ATP2C1: variants seen among roughly 807,000 people sequenced by gnomAD.
ATP2C1 encodes ATPase secretory pathway Ca2+ transporting 1, also known as calcium-transporting ATPase type 2C member 1.
In ATP2C1, 31 loss-of-function variants were observed where a neutral mutation model predicts 120.5. The observed-to-expected ratio is 0.26, with a 90% CI of 0.19 to 0.35. ATP2C1 has a LOEUF of 0.35. ATP2C1 is among the 10% of genes least tolerant of loss of function. The pLI is 1.00. For missense variants in ATP2C1, 731 were observed against 1,107.5 expected (o/e 0.66, Z 4.83); for synonymous variants, 351 against 358.7 (o/e 0.98, Z 0.24).
rs144860339 is a variant in ATP2C1 at position 130,903,283 on chromosome 3, CAG to C, written c.6+8511_6+8512del. ...ACCACTTAAACATGGAAAATAATAA[CAG>C]AGTACATTTTGTGACAGCAAATAAA... On this transcript the variant is annotated intron_variant, in intron 2 of 27. Coordinates refer to ENST00000510168, the MANE Select transcript of ATP2C1 (RefSeq NM_001378687.1). 1.1e-4 allele frequency among the ~76,000 whole-genome samples: 17 copies of C among 152,072 alleles called. No individual in the cohort carries two copies. In the East Asian group the frequency reaches 1.9e-3, roughly 17 times the overall value.
At chr3:130,934,501 C>A in intron 4 of ATP2C1, 121 bp from the exon 5 acceptor site, 1 of 666,928 alleles carries the variant, frequency 1.5e-6, no homozygotes, top group Non-Finnish European at 2.6e-6. Flanking sequence ...ATAAAATAAA[C>A]TGAGTATAGA....
intron 20 of ATP2C1, among the ~76,000 whole-genome samples, chr3:130,990,631 TTC>T (rs2062287399): frequency 6.6e-6 from 1 of 152,222 alleles, no homozygotes; most frequent in East Asian, 1.9e-4. Flanking sequence ...GCGATCTCAC[TTC>T]TGTTTTAACA....
In ATP2C1 at chr3:131,002,194, GATAT is replaced by G. The variant is rs979094285; in HGVS notation, c.*848_*851del. 8.2e-6 allele frequency: 8 copies of G among 971,386 alleles called. No individual in the cohort carries two copies. The African/African-American group carries it at 1.4e-4, about 17-fold the overall frequency. The allele number at this position is 971,386 out of a possible 1,614,324, so 60.2% of individuals were successfully genotyped here. A position where few individuals can be genotyped will look rare whatever the true frequency, so the allele number is the denominator to read the frequency against. On this transcript the variant is annotated 3_prime_UTR_variant, in exon 28 of 28. Transcript: ENST00000510168. ...AACATGTCTTCCTTTTTGAGGTAAAGATATATACTTTGTCAAATATCATTTTGTC... is the reference window on the plus strand; with the variant it reads ...AACATGTCTTCCTTTTTGAGGTAAAGATACTTTGTCAAATATCATTTTGTC...
intron 2 of ATP2C1, among the ~76,000 whole-genome samples, chr3:130,903,646 T>C (rs543639115): frequency 3.3e-5 from 5 of 151,186 alleles, no homozygotes; most frequent in Admixed American, 3.3e-4. Context: ...TTCTGCCCCT[T>C]CCTCCCCCCT....
chr3:130,926,798 C>T lies in ATP2C1; in HGVS notation c.7-3618C>T, dbSNP rs77534423. ...TGTGATCTTTATATGTGTTCTTTCG[C>T]TGTTTTCCTATCATGTGAAACACAT... On this transcript the variant is annotated intron_variant, in intron 2 of 27. Coordinates refer to ENST00000510168, the MANE Select transcript of ATP2C1 (RefSeq NM_001378687.1). 8.2e-3 allele frequency among the ~76,000 whole-genome samples: 1,245 copies of T among 152,364 alleles called. 16 individuals are homozygous for T. Among genetic ancestry groups the T allele is most frequent in the African/African-American group, 0.028 (1,180 of 41,586 alleles).
chr3:131,003,586 GTTGTGTCACA>G (rs944947735), downstream of ATP2C1, among the ~76,000 whole-genome samples: 1 of 152,196 alleles, frequency 6.6e-6, no homozygotes, highest in African/African-American at 2.4e-5. Flanking sequence ...GGCTGAACAT[GTTGTGTCACA>G]TTTGTGCTGG....
chr3:130,965,202 C>G (rs1211447280), intron 14 of ATP2C1, among the ~76,000 whole-genome samples, 157 bp downstream of exon 14: 1 of 152,034 alleles, frequency 6.6e-6, no homozygotes, highest in Non-Finnish European at 1.5e-5. Flanking sequence ...GTCTTTGTCT[C>G]ATTCCACTTG....
At chr3:130,964,126 A>G (rs771572303) in intron 13 of ATP2C1, 31 bp downstream of exon 13, 43 of 1,610,118 alleles carry the variant, frequency 2.7e-5, no homozygotes, top group Admixed American at 1.7e-4. Context: ...TTCTTATGCA[A>G]TGATGCGTAA....
In ATP2C1 at chr3:130,933,784, G is replaced by A. The variant is rs1042125571; in HGVS notation, c.235-838G>A. Among the ~76,000 whole-genome samples the A allele has an allele frequency of 2.0e-5, 3 of 152,180 alleles. No individual in the cohort carries two copies. The South Asian group carries it at 6.2e-4, about 31-fold the overall frequency. On this transcript the variant is annotated intron_variant, in intron 4 of 27. Coordinates refer to ENST00000510168, the MANE Select transcript of ATP2C1 (RefSeq NM_001378687.1). ...TGTTAAAAGTTTCTTATAGGATTCC[G>A]ATGTGAAGAAGGATTGGGACTTGTT... is the stretch of plus-strand genomic sequence containing the variant.
chr3:130,998,209 G>T lies in ATP2C1; in HGVS notation c.2392-85G>T, dbSNP rs1036326019. On this transcript the variant is annotated intron_variant, in intron 25 of 27. Transcript: ENST00000510168. Reference sequence around the variant, plus strand: ...TAAAGTTATTTCTTCCTAATGGAAAGAAAATGTTTATATTTTTTAAAAAGC... The same window carrying T: ...TAAAGTTATTTCTTCCTAATGGAAATAAAATGTTTATATTTTTTAAAAAGC... 2.2e-5 allele frequency: 21 copies of T among 944,426 alleles called. No individual in the cohort carries two copies. In the Admixed American group the frequency reaches 3.1e-4, roughly 14 times the overall value. 58.5% of individuals were successfully genotyped at this position (944,426 alleles called of 1,614,324 possible).
intron 1 of ATP2C1, among the ~76,000 whole-genome samples, chr3:130,851,672 T>G (rs1157407057): frequency 6.6e-6 from 1 of 152,244 alleles, no homozygotes; most frequent in Non-Finnish European, 1.5e-5. Context: ...TTTACCAAAT[T>G]GTTAGAAGAA....
chr3:130,991,736 T>G (rs2062360192), intron 20 of ATP2C1, among the ~76,000 whole-genome samples: 1 of 152,070 alleles, frequency 6.6e-6, no homozygotes, highest in Non-Finnish European at 1.5e-5. Flanking sequence ...TCTTAATAGG[T>G]AAGAAGGTAG....
Position 130,998,299 on chromosome 3 carries a change from A to G in ATP2C1, c.2397A>G (p.Arg799=). Residue 799 remains arginine, a synonymous_variant, in exon 26 of 28, where the codon CGA becomes CGG. Coordinates refer to ENST00000510168, the MANE Select transcript of ATP2C1 (RefSeq NM_001378687.1). ...GTLFVFWREL[R]DNVITPRDTT... Reference sequence around the variant, plus strand: ...TTGTTATTGCCTCTTGACAGCTACGAGACAATGTGATTACACCTCGAGACA... The same window carrying G: ...TTGTTATTGCCTCTTGACAGCTACGGGACAATGTGATTACACCTCGAGACA... The G allele has an allele frequency of 6.2e-7, 1 of 1,608,348 alleles. No homozygotes were observed. Among genetic ancestry groups the G allele is most frequent in the South Asian group, 1.1e-5 (1 of 90,978 alleles).
intron 2 of ATP2C1, among the ~76,000 whole-genome samples, chr3:130,901,861 G>GC (rs879736567): frequency 3.9e-5 from 6 of 151,922 alleles, no homozygotes; most frequent in Non-Finnish European, 7.4e-5. Flanking sequence ...GGATTGTTTT[G>GC]CCCCCGGGGG....
At chr3:130,941,722 A>G in intron 8 of ATP2C1, 23 bp downstream of exon 8, 2 of 1,514,712 alleles carry the variant, frequency 1.3e-6, no homozygotes, top group Non-Finnish European at 1.8e-6. Context: ...TCTGATTGTA[A>G]TAAGTGAAAA....
In ATP2C1 at chr3:130,964,237, A is replaced by G. The variant is rs1240626624; in HGVS notation, c.1024+142A>G. 7 of 1,256,294 alleles carry G rather than the reference A, an allele frequency of 5.6e-6. No individual in the cohort carries two copies. In the East Asian group the frequency reaches 1.2e-4, roughly 22 times the overall value. 77.8% of individuals were successfully genotyped at this position (1,256,294 alleles called of 1,614,324 possible). On this transcript the variant is annotated intron_variant, in intron 13 of 27. Coordinates refer to ENST00000510168, the MANE Select transcript of ATP2C1 (RefSeq NM_001378687.1). ...TGGCAAAATTGGATATGGTTTTAACAACCAAAAAAGGCAATTAAAAATTCC... is the reference window on the plus strand; with the variant it reads ...TGGCAAAATTGGATATGGTTTTAACGACCAAAAAAGGCAATTAAAAATTCC...
At chr3:130,991,113 T>TGA (rs2062320016) in intron 20 of ATP2C1, among the ~76,000 whole-genome samples, 1 of 152,166 alleles carries the variant, frequency 6.6e-6, no homozygotes, top group Non-Finnish European at 1.5e-5. Context: ...AGAAAGGAAC[T>TGA]GAGCCCTGGG....
intron 19 of ATP2C1, among the ~76,000 whole-genome samples, chr3:130,979,657 A>G (rs1306976103): frequency 1.9e-5 from 2 of 103,998 alleles, no homozygotes; most frequent in African/African-American, 3.3e-5. Context: ...TATTCACAGA[A>G]GGGTAATTAT....
chr3:130,936,140 T>C (rs1484029898), intron 5 of ATP2C1, among the ~76,000 whole-genome samples: 6 of 152,208 alleles, frequency 3.9e-5, no homozygotes, highest in African/African-American at 9.7e-5. Context: ...TCTTATGGGC[T>C]GGATAGCATC....
Sources: gnomAD v4.1 joint callset for allele counts (sites outside exome capture counted in the v4.1 genomes callset) on GRCh38, gnomAD v4.1.1 for gene constraint, MANE v1.5 for transcripts, NCBI Gene and HGNC (gene_info 2026-07-23, HGNC 2026-07-21) for gene names.